The following CNTNAP2 variants were observed in gnomAD, a reference collection of about 807,000 sequenced individuals.
CNTNAP2 encodes the protein contactin-associated protein-like 2.
Under a neutral mutation model 155.2 loss-of-function variants are expected in CNTNAP2, and 98 were observed. The ratio of observed to expected loss-of-function variants is 0.63; its 90% CI spans 0.54 to 0.75. The LOEUF is 0.75. Among genes scored for constraint, CNTNAP2 ranks in the 30% least tolerant of loss-of-function variants. The pLI, the probability that CNTNAP2 is intolerant of heterozygous loss-of-function variation, is 0.00. For missense variants in CNTNAP2, 1,727 were observed against 1,688.1 expected (o/e 1.02, Z -0.40); for synonymous variants, 651 against 631.2 (o/e 1.03, Z -0.47).
chr7:146,307,519 C>G (rs1371822456), intron 1 of CNTNAP2, among the ~76,000 whole-genome samples: 1 of 152,074 alleles, frequency 6.6e-6, no homozygotes, highest in East Asian at 1.9e-4. Flanking sequence ...TCAGCATTGC[C>G]AAGACAATCC....
chr7:147,682,890 A>G (rs1171455973), intron 13 of CNTNAP2, among the ~76,000 whole-genome samples: 2 of 151,914 alleles, frequency 1.3e-5, no homozygotes, highest in Admixed American at 1.3e-4. Flanking sequence ...CTTTTTCATA[A>G]AGAAAGCATC....
intron 9 of CNTNAP2, among the ~76,000 whole-genome samples, chr7:147,317,832 G>A (rs906389650): frequency 1.5e-4 from 23 of 151,586 alleles, no homozygotes; most frequent in African/African-American, 5.6e-4. Flanking sequence ...GTGTGTGCGT[G>A]TATATATGTA....
At chr7:147,589,458 C>T (rs1205066502) in intron 12 of CNTNAP2, among the ~76,000 whole-genome samples, 8 of 152,126 alleles carry the variant, frequency 5.3e-5, no homozygotes, top group Non-Finnish European at 1.0e-4. Flanking sequence ...ACTTATGGTC[C>T]TTCTCATTCC....
At chr7:147,939,446 A>G (rs2116812113) in intron 14 of CNTNAP2, among the ~76,000 whole-genome samples, 1 of 152,122 alleles carries the variant, frequency 6.6e-6, no homozygotes, top group East Asian at 1.9e-4. Flanking sequence ...CTTCTGCCTC[A>G]GCCTCCTGAG....
intron 1 of CNTNAP2, among the ~76,000 whole-genome samples, chr7:146,747,371 A>G (rs1801827049): frequency 6.6e-6 from 1 of 152,186 alleles, no homozygotes; most frequent in South Asian, 2.1e-4. Context: ...CAGTGGCTCC[A>G]TTACATCCTA....
intron 1 of CNTNAP2, among the ~76,000 whole-genome samples, chr7:146,643,753 G>A (rs1166407403): frequency 6.6e-6 from 1 of 152,132 alleles, no homozygotes; most frequent in Middle Eastern, 3.2e-3. Flanking sequence ...ACCTTGGGCA[G>A]TATGGCCATT....
chr7:146,359,790 G>A (rs1228706219), intron 1 of CNTNAP2, among the ~76,000 whole-genome samples: 1 of 141,114 alleles, frequency 7.1e-6, no homozygotes, highest in African/African-American at 3.2e-5. Flanking sequence ...ATGTGTGTGT[G>A]TATGTGTGTG....
intron 21 of CNTNAP2, among the ~76,000 whole-genome samples, chr7:148,267,851 T>C (rs536521818): frequency 6.6e-6 from 1 of 152,270 alleles, no homozygotes; most frequent in Admixed American, 6.5e-5. Flanking sequence ...ACTAGCAATA[T>C]GTAATTTAAC....
intron 15 of CNTNAP2, among the ~76,000 whole-genome samples, chr7:148,069,290 T>C (rs545341469): frequency 1.3e-5 from 2 of 152,342 alleles, no homozygotes; most frequent in East Asian, 1.9e-4. Context: ...CATAAGTGTA[T>C]GCAAATGCTC....
intron 13 of CNTNAP2, among the ~76,000 whole-genome samples, chr7:147,772,520 T>C (rs1797491822): frequency 6.9e-6 from 1 of 144,672 alleles, no homozygotes; most frequent in African/African-American, 2.5e-5. Flanking sequence ...GAGGTGATTT[T>C]TTTCCTTTTG....
At chr7:146,174,051 A>C (rs1798432835) in intron 1 of CNTNAP2, among the ~76,000 whole-genome samples, 1 of 152,006 alleles carries the variant, frequency 6.6e-6, no homozygotes, top group Non-Finnish European at 1.5e-5. Context: ...CAAAAAACAA[A>C]AATAATAACC....
At position 147,320,105 on chromosome 7, in the gene CNTNAP2, C is replaced by T. The variant is rs1563159283; in HGVS notation, c.1498+19815C>T. On this transcript the variant is annotated intron_variant, in intron 9 of 23. Transcript: ENST00000361727. Reference sequence around the variant, plus strand: ...TCTAATTTAACAAGTTCTAATCTATCTAGATTTTCCACCATCTTTAGTACA... The same window carrying T: ...TCTAATTTAACAAGTTCTAATCTATTTAGATTTTCCACCATCTTTAGTACA... Among the ~76,000 whole-genome samples the T allele has an allele frequency of 1.3e-5, 2 of 152,128 alleles. 1 individual carries two copies. The highest frequency in any genetic ancestry group is 4.1e-4 in the South Asian group (2 of 4,828).
intron 4 of CNTNAP2, chr7:147,081,912 G>A (rs1800140618): frequency 6.6e-6 from 1 of 152,060 alleles, no homozygotes; most frequent in Non-Finnish European, 1.5e-5. Context: ...CAAATGAGAC[G>A]ATTTGTATGC....
intron 17 of CNTNAP2, among the ~76,000 whole-genome samples, chr7:148,168,095 C>A (rs575097560): frequency 5.9e-5 from 9 of 152,144 alleles, no homozygotes; most frequent in Admixed American, 5.2e-4. Flanking sequence ...GAAATAGGAA[C>A]ACTTTTACAC....
At chr7:146,854,840 T>C (rs1304133591) in intron 3 of CNTNAP2, among the ~76,000 whole-genome samples, 1 of 152,182 alleles carries the variant, frequency 6.6e-6, no homozygotes, top group Admixed American at 6.5e-5. Flanking sequence ...CTGTGGCTAC[T>C]CCTACTTGCT....
At chr7:147,205,209 T>C (rs979533292) in intron 8 of CNTNAP2, among the ~76,000 whole-genome samples, 1 of 152,066 alleles carries the variant, frequency 6.6e-6, no homozygotes. Context: ...TCGTATTCAA[T>C]ATGTAGTTTT....
intron 1 of CNTNAP2, among the ~76,000 whole-genome samples, chr7:146,164,506 G>C (rs1268190439): frequency 2.6e-5 from 4 of 152,132 alleles, no homozygotes; most frequent in Admixed American, 1.3e-4. Flanking sequence ...CGTTGTTGCA[G>C]CAACTTCCTT....
intron 1 of CNTNAP2, among the ~76,000 whole-genome samples, chr7:146,308,792 A>T (rs1261153587): frequency 1.3e-5 from 2 of 152,006 alleles, no homozygotes; most frequent in Admixed American, 1.3e-4. Context: ...ACACTTGGAC[A>T]CACGGCGGGG....
intron 15 of CNTNAP2, among the ~76,000 whole-genome samples, chr7:148,068,951 GACCC>G (rs1803322745): frequency 6.6e-6 from 1 of 152,130 alleles, no homozygotes; most frequent in Non-Finnish European, 1.5e-5. Context: ...CTGTTCTGAA[GACCC>G]TAGACTACCA....
Sources: allele counts gnomAD v4.1 joint callset (sites outside exome capture counted in the v4.1 genomes callset), GRCh38; gene constraint gnomAD v4.1.1; transcripts MANE v1.5; gene names NCBI Gene and HGNC (gene_info 2026-07-23, HGNC 2026-07-21).